The following SMYD3 variants were observed in gnomAD, a reference collection of about 807,000 sequenced individuals.
SMYD3 encodes the protein SET and MYND domain containing 3.
A neutral mutation model predicts 57.7 loss-of-function variants in SMYD3; 36 were observed. The ratio of observed to expected loss-of-function variants is 0.62; its 90% confidence interval spans 0.48 to 0.82. The LOEUF (loss-of-function observed/expected upper bound fraction) is 0.82. SMYD3 is among the 40% of genes least tolerant of loss of function. The pLI is 0.00. For missense variants in SMYD3, 515 were observed against 538.8 expected (o/e 0.96, Z 0.44); for synonymous variants, 211 against 195.0 (o/e 1.08, Z -0.68).
chr1:246,125,628 A>T (rs1287460792), intron 5 of SMYD3, among the ~76,000 whole-genome samples: 1 of 152,224 alleles, frequency 6.6e-6, no homozygotes, highest in African/African-American at 2.4e-5. Flanking sequence ...ATGAGCTCGA[A>T]GGAAAGACAT....
intron 5 of SMYD3, among the ~76,000 whole-genome samples, chr1:245,999,853 C>A (rs10157026): frequency 6.6e-6 from 1 of 152,052 alleles, no homozygotes; most frequent in Non-Finnish European, 1.5e-5. Context: ...ATAAAATCTG[C>A]TTTAAAATCC....
At chr1:246,316,206 C>A (rs2065153380) in intron 5 of SMYD3, among the ~76,000 whole-genome samples, 1 of 151,990 alleles carries the variant, frequency 6.6e-6, no homozygotes, top group Non-Finnish European at 1.5e-5. Context: ...CATTTCAAAA[C>A]AAAATAACAA....
At chr1:246,460,420 G>A (rs2067778994) in intron 1 of SMYD3, among the ~76,000 whole-genome samples, 1 of 152,148 alleles carries the variant, frequency 6.6e-6, no homozygotes, top group Non-Finnish European at 1.5e-5. Flanking sequence ...TACTTGTCCT[G>A]AGAGGAACTT....
intron 8 of SMYD3, among the ~76,000 whole-genome samples, chr1:245,913,514 A>T (rs112251403): frequency 1.3e-4 from 19 of 144,584 alleles, no homozygotes; most frequent in Non-Finnish European, 2.1e-4. Context: ...ACTATAATTT[A>T]AAAAAAAAAA....
intron 5 of SMYD3, among the ~76,000 whole-genome samples, chr1:246,149,162 A>G (rs1013167140): frequency 2.0e-5 from 3 of 152,206 alleles, no homozygotes; most frequent in African/African-American, 7.2e-5. Context: ...CTCTTTTTGC[A>G]TTTCAATTAA....
chr1:246,170,915 T>A (rs1005811159), intron 5 of SMYD3, among the ~76,000 whole-genome samples: 2 of 152,208 alleles, frequency 1.3e-5, no homozygotes, highest in Non-Finnish European at 2.9e-5. Flanking sequence ...TTGCAAAACC[T>A]TTCAGTTTTT....
intron 5 of SMYD3, among the ~76,000 whole-genome samples, chr1:246,063,783 G>C (rs1349253631): frequency 6.6e-6 from 1 of 152,022 alleles, no homozygotes; most frequent in Non-Finnish European, 1.5e-5. Flanking sequence ...GGGATTACAG[G>C]CGCATGCCAC....
intron 5 of SMYD3, among the ~76,000 whole-genome samples, chr1:246,274,258 G>A (rs1434726236): frequency 3.3e-5 from 5 of 152,250 alleles, no homozygotes; most frequent in South Asian, 2.1e-4. Context: ...AGAACATATC[G>A]TGAGTCTAAT....
intron 5 of SMYD3, among the ~76,000 whole-genome samples, chr1:246,284,396 G>A (rs551173006): frequency 6.6e-6 from 1 of 150,996 alleles, no homozygotes; most frequent in Non-Finnish European, 1.5e-5. Context: ...TCCATTCTCT[G>A]AGGTTTCTAA....
chr1:246,322,341 T>C (rs1438009313), intron 5 of SMYD3: 1 of 151,740 alleles, frequency 6.6e-6, no homozygotes, highest in Non-Finnish European at 1.5e-5. Context: ...CACTCCAGCC[T>C]GGGCAACAGG....
At chr1:245,763,588 G>C (rs1388061563) in intron 11 of SMYD3, among the ~76,000 whole-genome samples, 4 of 152,154 alleles carry the variant, frequency 2.6e-5, no homozygotes, top group African/African-American at 9.7e-5. Flanking sequence ...TGGAAAGGAA[G>C]AGAGGAAGGG....
At chr1:245,990,541 T>C (rs1363070853) in intron 5 of SMYD3, among the ~76,000 whole-genome samples, 3 of 152,212 alleles carry the variant, frequency 2.0e-5, no homozygotes, top group African/African-American at 7.2e-5. Flanking sequence ...CAGCACAAAC[T>C]AGGAGTAGAT....
chr1:246,474,854 C>G (rs1348629777), intron 1 of SMYD3, among the ~76,000 whole-genome samples: 1 of 152,068 alleles, frequency 6.6e-6, no homozygotes, highest in Non-Finnish European at 1.5e-5. Context: ...GAAATTCTGT[C>G]AAGTAGCAGG....
chr1:246,296,311 G>A (rs970791280), intron 5 of SMYD3, among the ~76,000 whole-genome samples: 7 of 152,118 alleles, frequency 4.6e-5, no homozygotes, highest in African/African-American at 1.7e-4. Context: ...CTTTAGCCAT[G>A]AACAACTCAT....
intron 1 of SMYD3, among the ~76,000 whole-genome samples, chr1:246,368,716 C>T (rs777124975): frequency 1.3e-5 from 2 of 152,260 alleles, no homozygotes; most frequent in Admixed American, 1.3e-4. Flanking sequence ...TGGGTGGGCA[C>T]CATCTAATCA....
intron 1 of SMYD3, among the ~76,000 whole-genome samples, chr1:246,411,279 C>G: frequency 6.6e-6 from 1 of 152,116 alleles, no homozygotes. Flanking sequence ...AATGAGATAC[C>G]ATCTCACACC....
chr1:245,983,873 G>A (rs1257228018), intron 5 of SMYD3, among the ~76,000 whole-genome samples: 1 of 152,086 alleles, frequency 6.6e-6, no homozygotes, highest in Non-Finnish European at 1.5e-5. Context: ...GAGGAAGAGT[G>A]TAATGAGGGA....
At chr1:246,334,024 A>T (rs1410301133) in intron 3 of SMYD3, among the ~76,000 whole-genome samples, 2 of 152,090 alleles carry the variant, frequency 1.3e-5, no homozygotes, top group African/African-American at 4.8e-5. Flanking sequence ...CCACAATGAG[A>T]CACCATCTCA....
chr1:245,886,347 A>C (rs1203794877), intron 8 of SMYD3, among the ~76,000 whole-genome samples: 1 of 152,150 alleles, frequency 6.6e-6, no homozygotes, highest in Non-Finnish European at 1.5e-5. Flanking sequence ...TCGGGGTCTG[A>C]AAACGGCTTG....
Sources: gnomAD v4.1 joint callset for allele counts (sites outside exome capture counted in the v4.1 genomes callset) on GRCh38, gnomAD v4.1.1 for gene constraint, MANE v1.5 for transcripts, NCBI Gene and HGNC (gene_info 2026-07-23, HGNC 2026-07-21) for gene names.